The following KALRN variants were observed in gnomAD, a reference collection of about 807,000 sequenced individuals.
The protein encoded by KALRN is kalirin.
KALRN carries 70 observed loss-of-function variants against 353.7 expected under a neutral mutation model. The observed-to-expected ratio is 0.20, with a 90% CI of 0.16 to 0.24. The LOEUF (loss-of-function observed/expected upper bound fraction) is 0.24, where lower values mean the gene tolerates loss of function less well. Among genes scored for constraint, KALRN ranks in the 10% least tolerant of loss-of-function variants. KALRN has a pLI of 1.00. For missense variants in KALRN, 2,791 were observed against 3,756.7 expected (o/e 0.74, Z 6.72); for synonymous variants, 1,391 against 1,434.8 (o/e 0.97, Z 0.69).
rs536055792 is a variant in KALRN, at chr3:124,618,222, G to C, written c.5183-14198G>C. Among the ~76,000 whole-genome samples, 5 of 147,692 alleles carry C rather than the reference G, an allele frequency of 3.4e-5. No individual in the cohort carries two copies. In the South Asian group the frequency reaches 1.1e-3, roughly 32 times the overall value. On this transcript the variant is annotated intron_variant, in intron 34 of 59. Coordinates refer to ENST00000682506, the MANE Select transcript of KALRN (RefSeq NM_001388419.1). ...CTCCCGGGGTTCATGCCCTTCTCCT[G>C]CCTCAGCCTCCCGAGTAGCTGGGAC...
intron 1 of KALRN, among the ~76,000 whole-genome samples, chr3:124,191,777 T>G (rs2074945972): frequency 6.6e-6 from 1 of 152,228 alleles, no homozygotes; most frequent in Non-Finnish European, 1.5e-5. Flanking sequence ...TGTGAATGTT[T>G]CAGGGGCACT....
chr3:124,233,623 C>T (rs1372927899), intron 2 of KALRN, among the ~76,000 whole-genome samples: 4 of 152,144 alleles, frequency 2.6e-5, no homozygotes, highest in Non-Finnish European at 5.9e-5. Context: ...TGTCAAGCCT[C>T]CCCTCTATCT....
At chr3:124,453,539 AG>A (rs1235766618) in intron 21 of KALRN, among the ~76,000 whole-genome samples, 1 of 152,250 alleles carries the variant, frequency 6.6e-6, no homozygotes, top group Non-Finnish European at 1.5e-5. Context: ...GAATAAAGAA[AG>A]AAGGGCTCTG....
chr3:124,500,866 G>A (rs184759930), intron 33 of KALRN, among the ~76,000 whole-genome samples: 10 of 127,750 alleles, frequency 7.8e-5, no homozygotes, highest in African/African-American at 2.2e-4. Context: ...ACTAAATGGC[G>A]GGGCTTTGCA....
chr3:124,347,022 A>G (rs2082323330), intron 9 of KALRN, 121 bp from the exon 10 acceptor site: 2 of 1,448,802 alleles, frequency 1.4e-6, no homozygotes, highest in Non-Finnish European at 1.9e-6. Flanking sequence ...TTCCACCTGA[A>G]CTGCTGCTTT....
chr3:124,479,707 C>T (rs1223412501), intron 27 of KALRN, among the ~76,000 whole-genome samples: 9 of 147,504 alleles, frequency 6.1e-5, no homozygotes, highest in African/African-American at 1.2e-4. Flanking sequence ...CACATTCACA[C>T]GATCCAGAAT....
intron 33 of KALRN, chr3:124,519,968 T>G (rs900344388): frequency 7.6e-5 from 54 of 713,856 alleles, no homozygotes; most frequent in Non-Finnish European, 9.3e-5. Flanking sequence ...TGGGGACAGA[T>G]GCAATGAGCG....
At chr3:124,365,065 T>A (rs1560688478) in intron 10 of KALRN, among the ~76,000 whole-genome samples, 2 of 152,220 alleles carry the variant, frequency 1.3e-5, no homozygotes, top group Non-Finnish European at 2.9e-5. Context: ...ATATTGCTAA[T>A]TTGTGCTACT....
At chr3:124,436,018 A>G (rs2093447027) in intron 17 of KALRN, among the ~76,000 whole-genome samples, 1 of 152,238 alleles carries the variant, frequency 6.6e-6, no homozygotes, top group Non-Finnish European at 1.5e-5. Flanking sequence ...GTATAAGAAT[A>G]AACACAATGA....
chr3:124,310,140 G>T (rs1185332417), intron 6 of KALRN, among the ~76,000 whole-genome samples: 3 of 151,636 alleles, frequency 2.0e-5, no homozygotes, highest in South Asian at 2.1e-4. Context: ...TTTGAAAATG[G>T]AAATAGGAAA....
At chr3:124,247,881 T>C (rs925547190) in intron 3 of KALRN, among the ~76,000 whole-genome samples, 1 of 150,706 alleles carries the variant, frequency 6.6e-6, no homozygotes, top group African/African-American at 2.5e-5. Context: ...GTCACTTGTA[T>C]TGAAAAAAAA....
intron 14 of KALRN, among the ~76,000 whole-genome samples, chr3:124,418,036 T>C (rs1037587394): frequency 6.6e-6 from 1 of 152,204 alleles, no homozygotes. Flanking sequence ...TAGTGTTTGC[T>C]GAATTAATCG....
chr3:124,443,308 C>T (rs534281452), intron 19 of KALRN, among the ~76,000 whole-genome samples: 4 of 152,244 alleles, frequency 2.6e-5, no homozygotes, highest in African/African-American at 9.6e-5. Flanking sequence ...CTCTGGAGTC[C>T]GAGGCTAGGA....
intron 57 of KALRN, among the ~76,000 whole-genome samples, chr3:124,704,290 T>G (rs1208948456): frequency 6.6e-6 from 1 of 152,196 alleles, no homozygotes; most frequent in Admixed American, 6.5e-5. Context: ...AGTTAATTCC[T>G]CCTGGAGGCA....
chr3:124,063,836 T>G (rs894548865), intron 1 of KALRN, among the ~76,000 whole-genome samples: 9 of 152,138 alleles, frequency 5.9e-5, no homozygotes, highest in African/African-American at 2.2e-4. Context: ...AGCACTGACT[T>G]TGGCTAGTAG....
At chr3:124,543,560 C>A (rs918113528) in intron 33 of KALRN, among the ~76,000 whole-genome samples, 10 of 152,084 alleles carry the variant, frequency 6.6e-5, no homozygotes, top group Admixed American at 5.9e-4. Flanking sequence ...CTCGGCCTCC[C>A]AAAGTGCTGG....
chr3:124,288,646 C>A (rs547568254), intron 5 of KALRN, among the ~76,000 whole-genome samples: 8 of 152,094 alleles, frequency 5.3e-5, no homozygotes, highest in African/African-American at 1.7e-4. Flanking sequence ...GATAATGACA[C>A]GGGAAAGCAA....
intron 21 of KALRN, among the ~76,000 whole-genome samples, chr3:124,448,233 C>T (rs1235825241): frequency 1.3e-5 from 2 of 152,198 alleles, no homozygotes; most frequent in African/African-American, 4.8e-5. Flanking sequence ...TTTTCATTCA[C>T]ATAGCTACTA....
In KALRN at chr3:124,713,804, T is replaced by C. The variant is rs574658414; in HGVS notation, c.8276+669T>C. 8.5e-5 allele frequency among the ~76,000 whole-genome samples: 13 copies of C among 152,280 alleles called. No individual in the cohort carries two copies. The East Asian group carries it at 2.5e-3, about 29-fold the overall frequency. On this transcript the variant is annotated intron_variant, in intron 58 of 59. Transcript: ENST00000682506. Reference sequence around the variant, plus strand: ...TACAAGTAACAGAAATGTGATCAGATTGGTGCTACTGAGGCCCTTGGCCTA... The same window carrying C: ...TACAAGTAACAGAAATGTGATCAGACTGGTGCTACTGAGGCCCTTGGCCTA...
Sources: gnomAD v4.1 joint callset for allele counts (sites outside exome capture counted in the v4.1 genomes callset) on GRCh38, gnomAD v4.1.1 for gene constraint, MANE v1.5 for transcripts, NCBI Gene and HGNC (gene_info 2026-07-23, HGNC 2026-07-21) for gene names.